The following PRAG1 variants were observed in gnomAD, a reference collection of about 807,000 sequenced individuals.
PRAG1 encodes inactive tyrosine-protein kinase PRAG1.
A neutral mutation model predicts 95.6 loss-of-function variants in PRAG1; 110 were observed. The observed-to-expected ratio is 1.15, with a 90% CI of 0.99 to 1.35. PRAG1 has a LOEUF of 1.35. Ranked by LOEUF, PRAG1 falls within the 40% of genes most tolerant of loss-of-function variation. The pLI is 0.00. For missense variants in PRAG1, 2,554 were observed against 1,864.7 expected, an observed-to-expected ratio of 1.37 and a Z score of -6.81; for synonymous variants, 1,052 against 819.4, an observed-to-expected ratio of 1.28 and a Z score of -4.85.
chr8:8,372,029 TCTC>T (rs1295105857), intron 3 of PRAG1, among the ~76,000 whole-genome samples: 11 of 152,184 alleles, frequency 7.2e-5, no homozygotes, highest in African/African-American at 2.2e-4. Context: ...TCAGGCCTCT[TCTC>T]CTAACTTGAG....
intron 3 of PRAG1, among the ~76,000 whole-genome samples, chr8:8,369,323 ATAATTTCG>A (rs1235965860): frequency 6.6e-6 from 1 of 152,184 alleles, no homozygotes; most frequent in East Asian, 1.9e-4. Flanking sequence ...CCAGGAGTTT[ATAATTTCG>A]GAGGAGATGC....
At chr8:8,335,270 A>G (rs1002539096) in intron 4 of PRAG1, among the ~76,000 whole-genome samples, 1 of 152,216 alleles carries the variant, frequency 6.6e-6, no homozygotes, top group African/African-American at 2.4e-5. Context: ...AATGAAATCA[A>G]CCTAGACATG....
chr8:8,317,794 A>T lies in PRAG1; in HGVS notation c.*360T>A. On this transcript the variant is annotated 3_prime_UTR_variant, in exon 6 of 6. Transcript: ENST00000615670. ...TTTCTTCTTTTTTTTTTTTCTTTAA[A>T]TAACAATTTGACAAAAGGGTGAAGA... 1 of 161,716 alleles carries T rather than the reference A, an allele frequency of 6.2e-6. No individual in the cohort carries two copies. 10.0% of individuals were successfully genotyped at this position (161,716 alleles called of 1,614,324 possible).
chr8:8,341,260 T>C (rs1799153741), intron 3 of PRAG1, among the ~76,000 whole-genome samples: 2 of 152,180 alleles, frequency 1.3e-5, no homozygotes, highest in Admixed American at 6.5e-5. Flanking sequence ...TCATGAAATG[T>C]ATGTAAATAG....
At chr8:8,352,581 G>C (rs1799557555) in intron 3 of PRAG1, among the ~76,000 whole-genome samples, 1 of 152,166 alleles carries the variant, frequency 6.6e-6, no homozygotes, top group African/African-American at 2.4e-5. Flanking sequence ...ATGACTCACA[G>C]TTTCTCTTCC....
rs778625928 is a variant in PRAG1, at chr8:8,381,523, G to A, written c.225C>T (p.Asn75=). Reference sequence around the variant, plus strand: ...TTGTGGGCTTGGAGTAAGGTGAGCTGTTCACACCTTCATCTTCCAGGCGGC... The same window carrying A: ...TTGTGGGCTTGGAGTAAGGTGAGCTATTCACACCTTCATCTTCCAGGCGGC... ...ENCRLEDEGV[N]SSPYSKPTIA... is the part of the protein sequence containing the mutation. The change falls in exon 2 of 6, where the codon AAC becomes AAT. Residue 75 remains asparagine, a synonymous_variant. Coordinates refer to ENST00000615670, the MANE Select transcript of PRAG1 (RefSeq NM_001080826.3). The A allele has an allele frequency of 2.5e-6, 4 of 1,614,128 alleles. No individual in the cohort carries two copies. The highest frequency in any genetic ancestry group is 2.7e-5 in the African/African-American group (2 of 74,946).
intron 5 of PRAG1, among the ~76,000 whole-genome samples, chr8:8,319,886 C>T (rs2117094997): frequency 6.6e-6 from 1 of 152,350 alleles, no homozygotes; most frequent in South Asian, 2.1e-4. Flanking sequence ...ATCAAAACCA[C>T]AGTGAGATAT....
chr8:8,357,728 T>C (rs560779871), intron 3 of PRAG1, among the ~76,000 whole-genome samples: 110 of 152,344 alleles, frequency 7.2e-4, no homozygotes, highest in African/African-American at 2.6e-3. Flanking sequence ...CTCTAACAGA[T>C]ATTTGCTTAC....
At chr8:8,328,916 C>A (rs10099374) in intron 4 of PRAG1, among the ~76,000 whole-genome samples, 3,705 of 152,198 alleles carry the variant, frequency 0.024, 147 homozygotes, top group African/African-American at 0.084. Context: ...TAAACAGTCT[C>A]ACCATAATAT....
intron 4 of PRAG1, among the ~76,000 whole-genome samples, chr8:8,333,707 C>G (rs1328586632): frequency 6.6e-6 from 1 of 152,248 alleles, no homozygotes; most frequent in Non-Finnish European, 1.5e-5. Context: ...TTTCTTTGCA[C>G]AGCTCTGCTG....
chr8:8,320,598 G>A (rs768443102), intron 5 of PRAG1, among the ~76,000 whole-genome samples: 6 of 152,092 alleles, frequency 3.9e-5, no homozygotes, highest in Non-Finnish European at 8.8e-5. Flanking sequence ...ACCTCACCCA[G>A]GCTTTGTAGA....
chr8:8,375,892 C>T (rs1431895074), intron 3 of PRAG1, among the ~76,000 whole-genome samples: 1 of 152,060 alleles, frequency 6.6e-6, no homozygotes, highest in Non-Finnish European at 1.5e-5. Flanking sequence ...GGAAAATATT[C>T]AGGACTTCCT....
chr8:8,378,352 G>C (rs1273199192), intron 2 of PRAG1, among the ~76,000 whole-genome samples: 1 of 152,194 alleles, frequency 6.6e-6, no homozygotes, highest in Non-Finnish European at 1.5e-5. Flanking sequence ...TTAAGTCTGT[G>C]AAGTAGGAAA....
chr8:8,340,550 G>A (rs1031749903), intron 3 of PRAG1, among the ~76,000 whole-genome samples: 1 of 152,172 alleles, frequency 6.6e-6, no homozygotes, highest in Non-Finnish European at 1.5e-5. Context: ...TCCTTCTACG[G>A]CAGATCCATA....
intron 3 of PRAG1, among the ~76,000 whole-genome samples, chr8:8,361,990 T>C (rs1374509741): frequency 6.6e-6 from 1 of 152,208 alleles, no homozygotes; most frequent in Non-Finnish European, 1.5e-5. Flanking sequence ...ACTTCTTAAT[T>C]CTAGAGACTT....
chr8:8,362,892 C>T (rs974064254), intron 3 of PRAG1, among the ~76,000 whole-genome samples: 1 of 151,934 alleles, frequency 6.6e-6, no homozygotes, highest in Non-Finnish European at 1.5e-5. Flanking sequence ...CTGTGCAGAA[C>T]AAAGGAAAAG....
chr8:8,349,237 A>G (rs7833103), intron 3 of PRAG1, among the ~76,000 whole-genome samples: 87,136 of 151,796 alleles, frequency 0.57, 25,608 homozygotes, highest in East Asian at 0.9. Flanking sequence ...TAACTAAGCT[A>G]GGGAGGTTTC....
In PRAG1 at chr8:8,349,266, C is replaced by CTATTTATTTATTTATT. The variant is rs10672013; in HGVS notation, c.2163-9647_2163-9632dup. 3.0e-3 allele frequency among the ~76,000 whole-genome samples: 441 copies of CTATTTATTTATTTATT among 149,348 alleles called. 3 individuals are homozygous for CTATTTATTTATTTATT. Among genetic ancestry groups the CTATTTATTTATTTATT allele is most frequent in the African/African-American group, 1.0e-2 (402 of 40,280 alleles). Reference sequence around the variant, plus strand: ...AGGTTTCTATTATTTATCTATCTATCTATTTATTTATTTATTTATTTATTT... The same window carrying CTATTTATTTATTTATT: ...AGGTTTCTATTATTTATCTATCTATCTATTTATTTATTTATTTATTTATTTATTTATTTATTTATTT... On this transcript the variant is annotated intron_variant, in intron 3 of 5. Transcript: ENST00000615670.
At chr8:8,334,242 G>C (rs1244393019) in intron 4 of PRAG1, among the ~76,000 whole-genome samples, 2 of 152,154 alleles carry the variant, frequency 1.3e-5, no homozygotes, top group African/African-American at 2.4e-5. Context: ...TCTGGAGTTT[G>C]AGGGGCCAAC....
Sources: allele counts gnomAD v4.1 joint callset (sites outside exome capture counted in the v4.1 genomes callset), GRCh38; gene constraint gnomAD v4.1.1; transcripts MANE v1.5; gene names NCBI Gene and HGNC (gene_info 2026-07-23, HGNC 2026-07-21).